Variants in SHANK1 observed in about 807,000 individuals in gnomAD.
The protein encoded by SHANK1 is SH3 and multiple ankyrin repeat domains 1, also known as SH3 and multiple ankyrin repeat domains protein 1.
Under a neutral mutation model 165.6 loss-of-function variants are expected in SHANK1, and 35 were observed. That is an observed-to-expected ratio of 0.21 (90% CI 0.16 to 0.28). The LOEUF (loss-of-function observed/expected upper bound fraction) is 0.28, where lower values mean the gene tolerates loss of function less well. Ranked by LOEUF, SHANK1 falls within the 10% of genes least tolerant of loss-of-function variation. The pLI is 1.00. For missense variants in SHANK1, 2,681 were observed against 3,036.4 expected (o/e 0.88, Z 2.75); for synonymous variants, 1,428 against 1,384.8 (o/e 1.03, Z -0.69).
In SHANK1 at chr19:50,688,063, G is replaced by A; in HGVS notation, c.2173-5C>T. Reference sequence around the variant, plus strand: ...CACCACATTCTGCCCGTTCACCTGTGGCACAGACACCCCCAGATCACACAG... The same window carrying A: ...CACCACATTCTGCCCGTTCACCTGTAGCACAGACACCCCCAGATCACACAG... On this transcript the variant is annotated splice_region_variant and splice_polypyrimidine_tract_variant and intron_variant, in intron 17 of 23. Transcript: ENST00000293441. This position sits in a 1 kb window ranked among gnomAD's most constrained non-coding sequence, Gnocchi z 6.7. 3.1e-6 allele frequency: 5 copies of A among 1,613,920 alleles called. No individual in the cohort carries two copies. Among genetic ancestry groups the A allele is most frequent in the Non-Finnish European group, 4.2e-6 (5 of 1,179,970 alleles).
chr19:50,716,227 T>G lies in SHANK1; in HGVS notation c.459+48A>C. ...AAAAGTGGGTGGGGGGCAGATGTGTTTTAGGGCATGCCTTCTCTTATCAGT... is the reference window on the plus strand; with the variant it reads ...AAAAGTGGGTGGGGGGCAGATGTGTGTTAGGGCATGCCTTCTCTTATCAGT... On this transcript the variant is annotated intron_variant, in intron 3 of 23. Transcript: ENST00000293441. This position sits in a 1 kb window ranked among gnomAD's most constrained non-coding sequence, Gnocchi z 8.4. 1 of 1,575,434 alleles carries G rather than the reference T, an allele frequency of 6.3e-7. No individual in the cohort carries two copies. Among genetic ancestry groups the G allele is most frequent in the Non-Finnish European group, 8.7e-7 (1 of 1,146,378 alleles).
At chr19:50,680,441 G>C (rs1986139602) in intron 21 of SHANK1, among the ~76,000 whole-genome samples, 1 of 152,116 alleles carries the variant, frequency 6.6e-6, no homozygotes, top group African/African-American at 2.4e-5. Flanking sequence ...TCAGTGGCGG[G>C]TGACAAAGAC....
intron 23 of SHANK1, among the ~76,000 whole-genome samples, chr19:50,663,564 G>A (rs917187585): frequency 1.3e-5 from 2 of 151,742 alleles, no homozygotes; most frequent in Non-Finnish European, 2.9e-5. Context: ...TTACTGCCCC[G>A]CCCCCACTCC....
chr19:50,673,511 C>A (rs528842405), intron 21 of SHANK1, among the ~76,000 whole-genome samples: 2 of 152,092 alleles, frequency 1.3e-5, no homozygotes, highest in African/African-American at 4.8e-5. Flanking sequence ...TTCTCCTCGG[C>A]GAGACCTTCC....
rs1004802012 is a variant in SHANK1, at chr19:50,702,759, G to A, written c.1554-99C>T. On this transcript the variant is annotated intron_variant, in intron 11 of 23. Transcript: ENST00000293441. The surrounding 1 kb of genome is among the most constrained non-coding windows in gnomAD (Gnocchi z 5.3). ...GGTGGGGGAAGAGGACGGTGCATCA[G>A]GGGGGAGGGGGGGTTTCCCAGCACT... The A allele has an allele frequency of 8.4e-6, 6 of 714,876 alleles. No individual in the cohort carries two copies. The highest frequency in any genetic ancestry group is 8.3e-5 in the East Asian group (3 of 36,272). 44.3% of individuals were successfully genotyped at this position (714,876 alleles called of 1,614,324 possible). A position where few individuals can be genotyped will look rare whatever the true frequency, so the allele number is the denominator to read the frequency against.
intron 22 of SHANK1, 49 bp downstream of exon 22, chr19:50,671,969 C>T (rs769361441): frequency 8.7e-6 from 12 of 1,374,714 alleles, no homozygotes; most frequent in East Asian, 2.3e-5. Flanking sequence ...TGAACTGTCA[C>T]GTTCCTGGCC....
At chr19:50,710,599 CT>C (rs2088995817) in intron 8 of SHANK1, among the ~76,000 whole-genome samples, 1 of 152,188 alleles carries the variant, frequency 6.6e-6, no homozygotes, top group African/African-American at 2.4e-5. Flanking sequence ...ACGAGCCCCC[CT>C]GCCTGCTCCG....
chr19:50,688,035 C>A lies in SHANK1; in HGVS notation c.2196G>T (p.Lys732Asn). ...LIEVNGQNVV[K>N]VGHRQVVNMI... ...TGTTCACCACCTGTCGGTGGCCGAC[C>A]TTCACCACATTCTGCCCGTTCACCT... Residue 732 changes from lysine (K) to asparagine (N), a missense_variant, in exon 18 of 24, where the codon AAG becomes AAT. Lys to Asn is a moderately conservative substitution (Grantham distance 94). Coordinates refer to ENST00000293441, the MANE Select transcript of SHANK1 (RefSeq NM_016148.5). The surrounding 1 kb of genome is among the most constrained non-coding windows in gnomAD (Gnocchi z 6.7). The A allele has an allele frequency of 1.2e-6, 2 of 1,614,096 alleles. No homozygotes were observed. The highest frequency in any genetic ancestry group is 1.1e-5 in the South Asian group (1 of 91,084).
At chr19:50,685,473 C>T (rs998468714) in intron 21 of SHANK1, among the ~76,000 whole-genome samples, 7 of 152,116 alleles carry the variant, frequency 4.6e-5, no homozygotes, top group South Asian at 2.1e-4. Context: ...CCTGTAATCC[C>T]GGCACTTTGG....
chr19:50,695,086 CCCGCCG>C lies in SHANK1; in HGVS notation c.1964+2004_1964+2009del, dbSNP rs768896742. On this transcript the variant is annotated intron_variant, in intron 15 of 23. Transcript: ENST00000293441. ...GGCCCGGGTCCCGGTGCCGGCCGCC[CCCGCCG>C]CCGCCGCCGCCGCCGCGTCCCCGTA... Among the ~76,000 whole-genome samples the C allele has an allele frequency of 1.7e-4, 25 of 145,914 alleles. No individual in the cohort carries two copies. The East Asian group carries it at 3.4e-3, about 20-fold the overall frequency.
rs1366915172 is a variant in SHANK1 at position 50,690,870 on chromosome 19, C to T, written c.1965-1591G>A. Among the ~76,000 whole-genome samples, 2 of 152,086 alleles carry T rather than the reference C, an allele frequency of 1.3e-5. No homozygotes were observed. The highest frequency in any genetic ancestry group is 2.4e-5 in the African/African-American group (1 of 41,386). On this transcript the variant is annotated intron_variant, in intron 15 of 23. Coordinates refer to ENST00000293441, the MANE Select transcript of SHANK1 (RefSeq NM_016148.5). The surrounding 1 kb of genome is among the most constrained non-coding windows in gnomAD (Gnocchi z 4.9). ...CCACTGTATTTAGGTACCACCCCCACAAGCACCCCTGTATGCTCCCAGGAC... is the reference window on the plus strand; with the variant it reads ...CCACTGTATTTAGGTACCACCCCCATAAGCACCCCTGTATGCTCCCAGGAC...
Position 50,660,836 on chromosome 19 carries a change from AAAG to A in SHANK1, c.*1126_*1128del, listed in dbSNP as rs1336771235. Among the ~76,000 whole-genome samples the A allele has an allele frequency of 1.4e-4, 21 of 150,896 alleles. No homozygotes were observed. The highest frequency in any genetic ancestry group is 3.2e-3 in the Middle Eastern group (1 of 316). On this transcript the variant is annotated 3_prime_UTR_variant, in exon 24 of 24. Coordinates refer to ENST00000293441, the MANE Select transcript of SHANK1 (RefSeq NM_016148.5). Reference sequence around the variant, plus strand: ...AGGGGCAAGGGAGTGGGAGCCTGGCAAAGAAGAAGAGAATGAGCATGTGTGAGA... The same window carrying A: ...AGGGGCAAGGGAGTGGGAGCCTGGCAAAGAAGAGAATGAGCATGTGTGAGA...
intron 16 of SHANK1, 73 bp from the exon 17 acceptor site, chr19:50,689,041 C>T: frequency 8.1e-7 from 1 of 1,240,754 alleles, no homozygotes; most frequent in East Asian, 2.4e-5. Context: ...GGGGCTCAGA[C>T]CCAAGTCACG....
At chr19:50,714,767 G>A (rs1473407582) in intron 4 of SHANK1, among the ~76,000 whole-genome samples, 1 of 151,638 alleles carries the variant, frequency 6.6e-6, no homozygotes, top group Non-Finnish European at 1.5e-5. Flanking sequence ...AATGATATAT[G>A]TTATTTAACT....
Position 50,669,061 on chromosome 19 carries a change from G to C in SHANK1, c.2899C>G (p.Pro967Ala), listed in dbSNP as rs2123086350. 9.3e-7 allele frequency: 1 copy of C among 1,078,060 alleles called. No homozygotes were observed. The highest frequency in any genetic ancestry group is 1.6e-5 in the South Asian group (1 of 62,796). 66.8% of individuals were successfully genotyped at this position (1,078,060 alleles called of 1,614,324 possible). A position where few individuals can be genotyped will look rare whatever the true frequency, so the allele number is the denominator to read the frequency against. The change falls in exon 23 of 24, where the codon CCT (proline) becomes GCT (alanine). Residue 967 changes from proline to alanine, a missense_variant. Pro to Ala is a conservative substitution (Grantham distance 27, BLOSUM62 -1). This residue lies in a region of SHANK1 where 1,713 missense variants were observed against 1,630.2 expected (regional missense o/e 1.05). Coordinates refer to ENST00000293441, the MANE Select transcript of SHANK1 (RefSeq NM_016148.5). ...GSGGPLPASS[P>A]ASFDGPSPPD... ...GGGGAGGGCCCGTCAAAGGATGCAG[G>C]GGAGGAGGCGGGGAGGGGGCCACCA...
At chr19:50,711,889 G>T in intron 7 of SHANK1, 58 bp downstream of exon 7, 1 of 1,591,938 alleles carries the variant, frequency 6.3e-7, no homozygotes, top group Non-Finnish European at 8.6e-7. Flanking sequence ...CCAGCCCCTT[G>T]GATGCCTCAG....
In SHANK1 at chr19:50,685,901, G is replaced by A. The variant is rs115905752; in HGVS notation, c.2577+336C>T. Among the ~76,000 whole-genome samples, 929 of 152,098 alleles carry A rather than the reference G, an allele frequency of 6.1e-3. 14 individuals carry two copies. Among genetic ancestry groups the A allele is most frequent in the African/African-American group, 0.021 (860 of 41,444 alleles). ...CGTGTTGGGTATCTATTATTATGCC[G>A]GGGAATCTCCATCCATGACATCATT... On this transcript the variant is annotated intron_variant, in intron 21 of 23. Coordinates refer to ENST00000293441, the MANE Select transcript of SHANK1 (RefSeq NM_016148.5).
Position 50,688,594 on chromosome 19 carries a change from C to T in SHANK1, c.2172+250G>A, listed in dbSNP as rs1056291553. ...AAGCACTGGGATCACAGGCGTGAGC[C>T]GCTGTGCCTGGCCATCCCCCGGTAT... is the stretch of plus-strand genomic sequence containing the variant. On this transcript the variant is annotated intron_variant, in intron 17 of 23. Transcript: ENST00000293441. This position sits in a 1 kb window ranked among gnomAD's most constrained non-coding sequence, Gnocchi z 6.7. Among the ~76,000 whole-genome samples the T allele has an allele frequency of 4.6e-5, 7 of 152,174 alleles. No individual in the cohort carries two copies. The highest frequency in any genetic ancestry group is 7.2e-5 in the African/African-American group (3 of 41,428).
In SHANK1 at chr19:50,702,685, G is replaced by A. The variant is rs1986962890; in HGVS notation, c.1554-25C>T. 1 of 1,512,044 alleles carries A rather than the reference G, an allele frequency of 6.6e-7. No homozygotes were observed. The highest frequency in any genetic ancestry group is 8.9e-7 in the Non-Finnish European group (1 of 1,122,622). 93.7% of individuals were successfully genotyped at this position (1,512,044 alleles called of 1,614,324 possible). Reference sequence around the variant, plus strand: ...GCTGCGTACACAGAGGGCATGAGAGGAGGGGAGGGTGGAGGGAGGGGACAC... The same window carrying A: ...GCTGCGTACACAGAGGGCATGAGAGAAGGGGAGGGTGGAGGGAGGGGACAC... On this transcript the variant is annotated intron_variant, in intron 11 of 23. Coordinates refer to ENST00000293441, the MANE Select transcript of SHANK1 (RefSeq NM_016148.5). The surrounding 1 kb of genome is among the most constrained non-coding windows in gnomAD (Gnocchi z 5.3).
Sources: gnomAD v4.1 joint callset for allele counts (sites outside exome capture counted in the v4.1 genomes callset) on GRCh38, gnomAD v4.1.1 for gene constraint, gnomAD v4.1.1 regional missense constraint, Gnocchi (gnomAD v3.1) non-coding constraint, MANE v1.5 for transcripts, NCBI Gene and HGNC (gene_info 2026-07-23, HGNC 2026-07-21) for gene names.